FRMD4A: variants seen among roughly 807,000 people sequenced by gnomAD.
The protein encoded by FRMD4A is FERM domain-containing protein 4A.
A neutral mutation model predicts 129.1 loss-of-function variants in FRMD4A; 29 were observed. The observed-to-expected ratio is 0.22, with a 90% confidence interval of 0.17 to 0.31. FRMD4A has a LOEUF of 0.31. Among genes scored for constraint, FRMD4A ranks in the 10% least tolerant of loss-of-function variants. The pLI is 1.00. For missense variants in FRMD4A, 1,272 were observed against 1,375.8 expected (o/e 0.92, Z 1.19); for synonymous variants, 634 against 571.6 (o/e 1.11, Z -1.56).
At chr10:14,139,149 G>A (rs755002012) in intron 2 of FRMD4A, among the ~76,000 whole-genome samples, 13 of 152,344 alleles carry the variant, frequency 8.5e-5, no homozygotes, top group South Asian at 4.1e-4. Context: ...GCAGAAGCAG[G>A]AAGAAATGTG....
At chr10:13,770,421 A>G (rs867869188) in intron 6 of FRMD4A, among the ~76,000 whole-genome samples, 7 of 152,154 alleles carry the variant, frequency 4.6e-5, no homozygotes, top group African/African-American at 9.6e-5. Context: ...TTATTAACTT[A>G]TATTTTAAAT....
chr10:13,733,017 G>A (rs1273626775), intron 12 of FRMD4A, among the ~76,000 whole-genome samples: 1 of 152,246 alleles, frequency 6.6e-6, no homozygotes, highest in Non-Finnish European at 1.5e-5. Flanking sequence ...AGATGTCCCA[G>A]CAGCTTCAGA....
At chr10:13,851,137 C>T (rs1226044003) in intron 3 of FRMD4A, among the ~76,000 whole-genome samples, 1 of 152,122 alleles carries the variant, frequency 6.6e-6, no homozygotes, top group African/African-American at 2.4e-5. Flanking sequence ...TCACTTGAAC[C>T]CGGGAGGCAG....
chr10:13,656,823 G>T lies in FRMD4A; in HGVS notation c.2766C>A (p.Ala922=), dbSNP rs527899634. The T allele has an allele frequency of 6.4e-6, 10 of 1,571,070 alleles. No individual in the cohort carries two copies. In the South Asian group the frequency reaches 1.2e-4, roughly 18 times the overall value. The stretch of plus-strand genomic sequence containing the variant: ...ACTGGCGCAGCTCGTCTGAGACGGC[G>T]GCACGGCCCGCGCCCTTGTCGTGGG... ...EGAHDKGAGR[A]AVSDELRQWY... is the part of the protein sequence containing the mutation. Residue 922 remains alanine (A), a synonymous_variant, in exon 22 of 25, where the codon GCC becomes GCA. Coordinates refer to ENST00000357447, the MANE Select transcript of FRMD4A (RefSeq NM_018027.5).
At chr10:13,969,132 C>T (rs942709507) in intron 2 of FRMD4A, among the ~76,000 whole-genome samples, 4 of 152,242 alleles carry the variant, frequency 2.6e-5, no homozygotes, top group Non-Finnish European at 5.9e-5. Context: ...TCTTCTTCTC[C>T]CAGGCCCCTC....
At position 14,185,734 on chromosome 10, in the gene FRMD4A, G is replaced by A. The variant is rs118072080; in HGVS notation, c.45+144324C>T. On this transcript the variant is annotated intron_variant, in intron 2 of 24. Transcript: ENST00000357447. Reference sequence around the variant, plus strand: ...TTCAGTAGTTCTAGAGAGAAGGGATGGCAACAGCAGTAGACCAGGCTAGTA... The same window carrying A: ...TTCAGTAGTTCTAGAGAGAAGGGATAGCAACAGCAGTAGACCAGGCTAGTA... Among the ~76,000 whole-genome samples the A allele has an allele frequency of 1.4e-3, 212 of 152,314 alleles. 4 individuals are homozygous for A. The East Asian group carries it at 0.035, about 25-fold the overall frequency.
chr10:14,118,788 A>T (rs1403856148), intron 2 of FRMD4A, among the ~76,000 whole-genome samples: 1 of 152,172 alleles, frequency 6.6e-6, no homozygotes, highest in Non-Finnish European at 1.5e-5. Context: ...CCATGATTCA[A>T]TTACCTCCCC....
chr10:14,000,646 CAAA>C (rs11377448), intron 2 of FRMD4A, among the ~76,000 whole-genome samples: 34 of 43,468 alleles, frequency 7.8e-4, no homozygotes, highest in Admixed American at 5.3e-3. Context: ...GACGCCACCT[CAAA>C]AAAAAAAAAA....
chr10:14,082,451 G>T (rs1201664446), intron 2 of FRMD4A, among the ~76,000 whole-genome samples: 4 of 152,128 alleles, frequency 2.6e-5, no homozygotes, highest in Non-Finnish European at 5.9e-5. Flanking sequence ...AGACTTGAAG[G>T]TTAGGGGATG....
chr10:13,824,480 ACT>A (rs1368845722), intron 3 of FRMD4A, among the ~76,000 whole-genome samples: 4 of 151,990 alleles, frequency 2.6e-5, no homozygotes, highest in Non-Finnish European at 1.5e-5. Flanking sequence ...ACAGAGCAAG[ACT>A]CTATCTCAAA....
chr10:14,184,766 G>T (rs980530941), intron 2 of FRMD4A, among the ~76,000 whole-genome samples: 4 of 152,052 alleles, frequency 2.6e-5, no homozygotes, highest in African/African-American at 9.7e-5. Context: ...AGTCAGATAT[G>T]AAAGAAGAGA....
intron 2 of FRMD4A, among the ~76,000 whole-genome samples, chr10:13,948,024 C>T (rs574827002): frequency 4.0e-5 from 6 of 150,044 alleles, no homozygotes; most frequent in East Asian, 3.9e-4. Context: ...ATAGGGAGAT[C>T]TTGCCTCTAT....
Position 13,703,016 on chromosome 10 carries a change from C to G in FRMD4A, c.837-1538G>C, listed in dbSNP as rs76054944. On this transcript the variant is annotated intron_variant, in intron 13 of 24. Transcript: ENST00000357447. ...CGAGGGGGAGATCCCTCGCCAGTCTCTCTAAATTTAAAAGAAAACAGGGAT... is the reference window on the plus strand; with the variant it reads ...CGAGGGGGAGATCCCTCGCCAGTCTGTCTAAATTTAAAAGAAAACAGGGAT... 4.2e-3 allele frequency among the ~76,000 whole-genome samples: 645 copies of G among 152,018 alleles called. 3 individuals carry two copies. Among genetic ancestry groups the G allele is most frequent in the African/African-American group, 0.015 (611 of 41,460 alleles).
At chr10:13,849,319 C>T (rs1297874420) in intron 3 of FRMD4A, among the ~76,000 whole-genome samples, 1 of 152,182 alleles carries the variant, frequency 6.6e-6, no homozygotes, top group Non-Finnish European at 1.5e-5. Context: ...AGATGGCAGA[C>T]CTGGAGCACG....
intron 2 of FRMD4A, among the ~76,000 whole-genome samples, chr10:14,032,627 C>G (rs1322724836): frequency 6.6e-6 from 1 of 152,322 alleles, no homozygotes; most frequent in East Asian, 1.9e-4. Context: ...CCAGGGGGCG[C>G]CAGCAAGGGG....
Position 14,330,825 on chromosome 10 carries a change from C to G in FRMD4A, c.-310G>C, listed in dbSNP as rs1341066134. The G allele has an allele frequency of 5.0e-6, 2 of 398,602 alleles. No homozygotes were observed. Among genetic ancestry groups the G allele is most frequent in the East Asian group, 3.6e-5 (1 of 28,080 alleles). The allele number at this position is 398,602 out of a possible 1,614,324, so 24.7% of individuals were successfully genotyped here. On this transcript the variant is annotated 5_prime_UTR_variant, in exon 1 of 25. Coordinates refer to ENST00000357447, the MANE Select transcript of FRMD4A (RefSeq NM_018027.5). ...CAAGTAGACTGGCCAGCTCAGCTCC[C>G]GGTAGGGCTAACATACTTAAGAGGA...
chr10:13,902,710 C>G (rs2131198560), intron 2 of FRMD4A, among the ~76,000 whole-genome samples: 1 of 151,976 alleles, frequency 6.6e-6, no homozygotes, highest in African/African-American at 2.4e-5. Flanking sequence ...TGTGGTGGCA[C>G]ACACTTGTAA....
chr10:13,884,178 A>ACTCACT (rs1564971293), intron 2 of FRMD4A, among the ~76,000 whole-genome samples: 1 of 101,102 alleles, frequency 9.9e-6, no homozygotes, highest in African/African-American at 4.1e-5. Context: ...TCACACACTC[A>ACTCACT]CACACACACA....
At chr10:13,750,663 G>C (rs554852964) in intron 8 of FRMD4A, among the ~76,000 whole-genome samples, 1 of 152,310 alleles carries the variant, frequency 6.6e-6, no homozygotes, top group African/African-American at 2.4e-5. Flanking sequence ...CAGAGTAAGA[G>C]GAATGTCAGG....
Sources: allele counts gnomAD v4.1 joint callset (sites outside exome capture counted in the v4.1 genomes callset), GRCh38; gene constraint gnomAD v4.1.1; transcripts MANE v1.5; gene names NCBI Gene and HGNC (gene_info 2026-07-23, HGNC 2026-07-21).